Variants in PHF12 observed in about 807,000 individuals in gnomAD.
PHF12 encodes the protein PHD factor 1.
Under a neutral mutation model 99.8 loss-of-function variants are expected in PHF12, and 6 were observed. That is an observed-to-expected ratio of 0.06 (90% CI 0.03 to 0.12). The LOEUF is 0.12. Among genes scored for constraint, PHF12 ranks in the 10% least tolerant of loss-of-function variants. The pLI is 1.00. For synonymous variants in PHF12, 480 were observed against 514.9 expected, an observed-to-expected ratio of 0.93 and a Z score of 0.92; for missense variants, 954 against 1,300.1, an observed-to-expected ratio of 0.73 and a Z score of 4.09.
chr17:28,922,532 T>G (rs532803661), intron 4 of PHF12, among the ~76,000 whole-genome samples: 1 of 152,160 alleles, frequency 6.6e-6, no homozygotes, highest in Non-Finnish European at 1.5e-5. Context: ...AAAAAAAGAA[T>G]GGAGGACAAT....
chr17:28,948,675 A>C lies in PHF12; in HGVS notation c.248+1390T>G, dbSNP rs191633261. Reference sequence around the variant, plus strand: ...AAACCTGCAATTAGTACAAATATACAGTAGACACTACTCCACAAACCGAGA... The same window carrying C: ...AAACCTGCAATTAGTACAAATATACCGTAGACACTACTCCACAAACCGAGA... On this transcript the variant is annotated intron_variant, in intron 2 of 14. Coordinates refer to ENST00000332830, the MANE Select transcript of PHF12 (RefSeq NM_001033561.2). 3.7e-3 allele frequency among the ~76,000 whole-genome samples: 570 copies of C among 152,342 alleles called. 7 individuals carry two copies. Among genetic ancestry groups the C allele is most frequent in the Non-Finnish European group, 6.0e-3 (408 of 68,024 alleles).
chr17:28,917,330 G>T lies in PHF12; in HGVS notation c.1089C>A (p.Pro363=), dbSNP rs146233029. The T allele has an allele frequency of 5.6e-6, 9 of 1,613,928 alleles. No individual in the cohort carries two copies. The African/African-American group carries it at 6.7e-5, about 12-fold the overall frequency. ...CCGACTGGAGCACACGCCGGTTAGG[G>T]GGGTGCTTCTTGTGGATTCGGTTCA... ...DFLNRIHKKH[P]PNRRVLQSVK... Residue 363 remains proline (P), a synonymous_variant, in exon 7 of 15, where the codon CCC becomes CCA. Coordinates refer to ENST00000332830, the MANE Select transcript of PHF12 (RefSeq NM_001033561.2).
At position 28,906,426 on chromosome 17, in the gene PHF12, G is replaced by A. The variant is rs2039872145; in HGVS notation, c.2772C>T (p.Cys924=). ...SQAQGPQRRP[C]NCKASSSSLI... ...AGCTCGAGCTGCTGGCTTTGCAATT[G>A]CAGGGTCTCCGCTGCGGCCCCTGGG... is the stretch of plus-strand genomic sequence containing the variant. Residue 924 remains cysteine (C), a synonymous_variant, in exon 15 of 15, where the codon TGC becomes TGT. Transcript: ENST00000332830. This position sits in a 1 kb window ranked among gnomAD's most constrained non-coding sequence, Gnocchi z 4.2. The A allele has an allele frequency of 1.9e-6, 3 of 1,614,064 alleles. No homozygotes were observed. The highest frequency in any genetic ancestry group is 1.7e-5 in the Admixed American group (1 of 60,012).
In PHF12 at chr17:28,950,640, G is replaced by A. The variant is rs2040793449; in HGVS notation, c.66+255C>T. ...CAAGAAGGGGGTGGGGAGGCCTGCC[G>A]GTGCAACGAGATGGAGTGGGCTGGC... is the stretch of plus-strand genomic sequence containing the variant. On this transcript the variant is annotated intron_variant, in intron 1 of 14. Transcript: ENST00000332830. The surrounding 1 kb of genome is among the most constrained non-coding windows in gnomAD (Gnocchi z 5.7). 1.8e-6 allele frequency: 1 copy of A among 552,168 alleles called. No homozygotes were observed. Among genetic ancestry groups the A allele is most frequent in the Non-Finnish European group, 3.1e-6 (1 of 321,974 alleles). The allele number at this position is 552,168 out of a possible 1,614,324, so 34.2% of individuals were successfully genotyped here. A position where few individuals can be genotyped will look rare whatever the true frequency, so the allele number is the denominator to read the frequency against.
rs1175382137 is a variant in PHF12, at chr17:28,949,758, C to T, written c.248+307G>A. The T allele has an allele frequency of 4.8e-5, 13 of 270,236 alleles. No homozygotes were observed. The highest frequency in any genetic ancestry group is 9.0e-5 in the Non-Finnish European group (13 of 143,972). 16.7% of individuals were successfully genotyped at this position (270,236 alleles called of 1,614,324 possible). On this transcript the variant is annotated intron_variant, in intron 2 of 14. Coordinates refer to ENST00000332830, the MANE Select transcript of PHF12 (RefSeq NM_001033561.2). This position sits in a 1 kb window ranked among gnomAD's most constrained non-coding sequence, Gnocchi z 4.6. Reference sequence around the variant, plus strand: ...TGGGCCCGGAGCTCCTCCCCTTCCTCCCCCGCCACTGCCGGCTGTCCCCGG... The same window carrying T: ...TGGGCCCGGAGCTCCTCCCCTTCCTTCCCCGCCACTGCCGGCTGTCCCCGG...
At chr17:28,923,730 T>C (rs1443793929) in intron 4 of PHF12, among the ~76,000 whole-genome samples, 179 bp downstream of exon 4, 1 of 124,100 alleles carries the variant, frequency 8.1e-6, no homozygotes, top group Admixed American at 8.5e-5. Flanking sequence ...ACTGAGAAAA[T>C]GGAAAACTGA....
chr17:28,905,415 G>T lies in PHF12; in HGVS notation c.*768C>A. The T allele has an allele frequency of 6.6e-6, 1 of 152,604 alleles. No individual in the cohort carries two copies. 9.5% of individuals were successfully genotyped at this position (152,604 alleles called of 1,614,324 possible). A position where few individuals can be genotyped will look rare whatever the true frequency, so the allele number is the denominator to read the frequency against. ...AAGTGGCAAGAGAACAAAAAAAGGAGACAAAACAGGTTTACGACAAAAACA... is the reference window on the plus strand; with the variant it reads ...AAGTGGCAAGAGAACAAAAAAAGGATACAAAACAGGTTTACGACAAAAACA... On this transcript the variant is annotated 3_prime_UTR_variant, in exon 15 of 15. Transcript: ENST00000332830.
intron 11 of PHF12, 167 bp downstream of exon 11, chr17:28,910,059 G>C (rs2039931097): frequency 2.0e-6 from 2 of 1,004,270 alleles, no homozygotes; most frequent in African/African-American, 3.2e-5. Flanking sequence ...TTGCCATCTT[G>C]TTCCTGCTCT....
In PHF12 at chr17:28,932,623, G is replaced by A. The variant is rs560675423; in HGVS notation, c.249-5560C>T. ...CACGGTACTCATGTACTTATTCTGA[G>A]GACTCCCCACCTCAGCTGCCCATCT... On this transcript the variant is annotated intron_variant, in intron 2 of 14. Coordinates refer to ENST00000332830, the MANE Select transcript of PHF12 (RefSeq NM_001033561.2). Among the ~76,000 whole-genome samples the A allele has an allele frequency of 6.6e-5, 10 of 152,234 alleles. No homozygotes were observed. In the East Asian group the frequency reaches 1.6e-3, roughly 24 times the overall value.
chr17:28,950,872 G>A lies in PHF12; in HGVS notation c.66+23C>T, dbSNP rs368357264. On this transcript the variant is annotated intron_variant, in intron 1 of 14. Transcript: ENST00000332830. This position sits in a 1 kb window ranked among gnomAD's most constrained non-coding sequence, Gnocchi z 5.7. ...GGTTCCCTCCCGGCGCTGGAGGAAG[G>A]AGATGAGGAGGGCCACTCTTACCTC... 1.2e-5 allele frequency: 20 copies of A among 1,612,262 alleles called. No individual in the cohort carries two copies. Among genetic ancestry groups the A allele is most frequent in the Non-Finnish European group, 1.6e-5 (19 of 1,178,964 alleles).
intron 2 of PHF12, among the ~76,000 whole-genome samples, chr17:28,943,750 A>G (rs75714763): frequency 9.0e-4 from 136 of 151,274 alleles, no homozygotes; most frequent in African/African-American, 2.8e-3. Flanking sequence ...GTGTCTATCA[A>G]CTAATGAACT....
Position 28,907,604 on chromosome 17 carries a change from T to C in PHF12, c.2527A>G (p.Ile843Val). Residue 843 changes from isoleucine to valine, a missense_variant, in exon 13 of 15, where the codon ATA becomes GTA. Transcript: ENST00000332830. ...CCGGCCCTCACCTCATCGTAGAATA[T>C]GCAGGCATGTTTCCCGGACACGTAG... ...CNYVSGKHACIFYDENTKHYE... is the reference protein window; with the variant it reads ...CNYVSGKHACVFYDENTKHYE... 6.2e-7 allele frequency: 1 copy of C among 1,613,996 alleles called. No individual in the cohort carries two copies. The highest frequency in any genetic ancestry group is 8.5e-7 in the Non-Finnish European group (1 of 1,179,940).
chr17:28,913,738 C>T, intron 8 of PHF12, 141 bp downstream of exon 8: 2 of 1,232,440 alleles, frequency 1.6e-6, no homozygotes, highest in Non-Finnish European at 2.2e-6. Flanking sequence ...GAAGTTCCCC[C>T]TGGAATACTC....
chr17:28,934,342 C>T (rs1342814303), intron 2 of PHF12, among the ~76,000 whole-genome samples: 5 of 152,138 alleles, frequency 3.3e-5, no homozygotes, highest in African/African-American at 9.7e-5. Context: ...AGGTGACATG[C>T]GATTTTTTCC....
chr17:28,932,801 C>T (rs961831151), intron 2 of PHF12, among the ~76,000 whole-genome samples: 1 of 152,132 alleles, frequency 6.6e-6, no homozygotes, highest in Non-Finnish European at 1.5e-5. Flanking sequence ...CAAAAATTGG[C>T]TGGGTGTGGT....
chr17:28,907,067 A>G, intron 13 of PHF12, 73 bp from the exon 14 acceptor site: 1 of 1,496,770 alleles, frequency 6.7e-7, no homozygotes, highest in Admixed American at 2.0e-5. Flanking sequence ...GAGAGGACAT[A>G]TGGAGAAGGC....
intron 5 of PHF12, among the ~76,000 whole-genome samples, chr17:28,920,688 G>C (rs567974011): frequency 6.6e-6 from 1 of 152,170 alleles, no homozygotes; most frequent in South Asian, 2.1e-4. Context: ...TCAGCCTCCT[G>C]AGTAGCTGGG....
In PHF12 at chr17:28,906,510, G is replaced by A. The variant is rs2039874000; in HGVS notation, c.2688C>T (p.Arg896=). The A allele has an allele frequency of 6.3e-7, 1 of 1,597,654 alleles. No individual in the cohort carries two copies. The highest frequency in any genetic ancestry group is 8.6e-7 in the Non-Finnish European group (1 of 1,168,174). ...GCTCTTCGTCCTGTTTCTGGTGCCG[G>A]CGGCGCCCTGGGAAAAAGGGGGATG... ...VAKVQSVIRR[R]RHQKQDEEPS... Residue 896 remains arginine (R), a synonymous_variant, in exon 15 of 15, where the codon CGC becomes CGT. Transcript: ENST00000332830. The surrounding 1 kb of genome is among the most constrained non-coding windows in gnomAD (Gnocchi z 4.2).
intron 7 of PHF12, among the ~76,000 whole-genome samples, chr17:28,916,802 T>C (rs977877980): frequency 6.6e-6 from 1 of 152,200 alleles, no homozygotes; most frequent in Non-Finnish European, 1.5e-5. Context: ...TTTGGAGCAT[T>C]GGTGATATAT....
Sources: gnomAD v4.1 joint callset for allele counts (sites outside exome capture counted in the v4.1 genomes callset) on GRCh38, gnomAD v4.1.1 for gene constraint, Gnocchi (gnomAD v3.1) non-coding constraint, MANE v1.5 for transcripts, NCBI Gene and HGNC (gene_info 2026-07-23, HGNC 2026-07-21) for gene names.